Variants in TDRD12 observed in about 807,000 individuals in gnomAD.
The protein encoded by TDRD12 is putative ATP-dependent RNA helicase TDRD12.
TDRD12 carries 158 observed loss-of-function variants against 133.5 expected under a neutral mutation model. That is an observed-to-expected ratio of 1.18 (90% confidence interval 1.04 to 1.35). The LOEUF is 1.35. Among genes scored for constraint, TDRD12 ranks in the 40% most tolerant of loss-of-function variants. The probability of loss-of-function intolerance (pLI) is 0.00; values close to 1 mark genes in which losing one functional copy is unlikely to be tolerated. For missense variants in TDRD12, 1,443 were observed against 1,321.3 expected, an observed-to-expected ratio of 1.09 and a Z score of -1.43; for synonymous variants, 460 against 477.9, an observed-to-expected ratio of 0.96 and a Z score of 0.49.
At chr19:32,758,077 T>A (rs1970047491) in intron 8 of TDRD12, among the ~76,000 whole-genome samples, 1 of 152,130 alleles carries the variant, frequency 6.6e-6, no homozygotes, top group Non-Finnish European at 1.5e-5. Flanking sequence ...CCCTACCCAC[T>A]CAGCCCATCT....
intron 1 of TDRD12, among the ~76,000 whole-genome samples, chr19:32,721,624 C>G (rs761205962): frequency 9.2e-5 from 14 of 152,226 alleles, no homozygotes; most frequent in Non-Finnish European, 8.8e-5. Context: ...AGGTGATCCA[C>G]CTGCCTCCGC....
intron 22 of TDRD12, among the ~76,000 whole-genome samples, chr19:32,807,968 A>T (rs1966884043): frequency 6.6e-6 from 1 of 152,150 alleles, no homozygotes; most frequent in Admixed American, 6.6e-5. Flanking sequence ...TCACACCTGT[A>T]ATCTCATCAT....
intron 26 of TDRD12, among the ~76,000 whole-genome samples, chr19:32,815,958 C>T (rs1967166096): frequency 6.6e-6 from 1 of 151,778 alleles, no homozygotes. Flanking sequence ...CATGCCACTG[C>T]ACTCCAGCCT....
chr19:32,723,813 C>T (rs1483840541), intron 1 of TDRD12, among the ~76,000 whole-genome samples: 2 of 152,060 alleles, frequency 1.3e-5, no homozygotes, highest in Non-Finnish European at 2.9e-5. Flanking sequence ...AGGAATTTTG[C>T]ACATATTTTT....
intron 25 of TDRD12, among the ~76,000 whole-genome samples, chr19:32,814,908 A>G (rs1967123511): frequency 1.3e-5 from 2 of 152,204 alleles, no homozygotes; most frequent in Non-Finnish European, 2.9e-5. Context: ...AGCCCCTCCT[A>G]TACCCACACT....
chr19:32,829,182 C>T (rs950754121), exon 10 of TDRD12: 2 of 152,230 alleles, frequency 1.3e-5, no homozygotes, highest in Admixed American at 6.5e-5. Flanking sequence ...AGTGGCGCCC[C>T]GTGCGCACCA....
chr19:32,773,619 G>A (rs1156691335), intron 10 of TDRD12, 87 bp downstream of exon 10: 3 of 1,204,956 alleles, frequency 2.5e-6, no homozygotes, highest in African/African-American at 3.0e-5. Context: ...GATCGCTTAA[G>A]CCCAGGAGGT....
rs111563262 is a variant in TDRD12, at chr19:32,733,733, T to C, written c.183+1850T>C. On this transcript the variant is annotated intron_variant, in intron 2 of 27. Transcript: ENST00000444215. ...CCACTGCTGCCTGAATCAGCTCTTTTATTCAGGCACTCGATGTGGGGTTTT... is the reference window on the plus strand; with the variant it reads ...CCACTGCTGCCTGAATCAGCTCTTTCATTCAGGCACTCGATGTGGGGTTTT... 4.8e-4 allele frequency among the ~76,000 whole-genome samples: 73 copies of C among 152,230 alleles called. 1 individual carries two copies. The highest frequency in any genetic ancestry group is 1.7e-3 in the African/African-American group (72 of 41,554).
chr19:32,804,467 G>A (rs1375675172), intron 21 of TDRD12, among the ~76,000 whole-genome samples: 1 of 149,868 alleles, frequency 6.7e-6, no homozygotes, highest in Non-Finnish European at 1.5e-5. Flanking sequence ...GCCGAGGCAG[G>A]CAGATCACAA....
At chr19:32,805,870 T>C (rs765515064) in intron 21 of TDRD12, among the ~76,000 whole-genome samples, 1 of 151,844 alleles carries the variant, frequency 6.6e-6, no homozygotes, top group Non-Finnish European at 1.5e-5. Flanking sequence ...TAACTGGGAC[T>C]ATAGGTGTGT....
chr19:32,726,771 A>C (rs933364925), intron 1 of TDRD12, among the ~76,000 whole-genome samples: 1 of 152,180 alleles, frequency 6.6e-6, no homozygotes. Flanking sequence ...TTTTAAAAAA[A>C]GAATTTCCTT....
At chr19:32,822,175 A>T (rs940380113), downstream of TDRD12, among the ~76,000 whole-genome samples, 2 of 152,216 alleles carry the variant, frequency 1.3e-5, no homozygotes, top group Non-Finnish European at 2.9e-5. Context: ...CATGCCTATG[A>T]TCCCAACACT....
chr19:32,760,222 A>C (rs752647642), intron 8 of TDRD12, among the ~76,000 whole-genome samples: 1 of 152,244 alleles, frequency 6.6e-6, no homozygotes, highest in Non-Finnish European at 1.5e-5. Context: ...GGAATGAACT[A>C]TGCTTATCTT....
intron 4 of TDRD12, among the ~76,000 whole-genome samples, chr19:32,745,963 ACTGG>A (rs1291734152): frequency 7.5e-6 from 1 of 133,004 alleles, no homozygotes; most frequent in Non-Finnish European, 1.6e-5. Flanking sequence ...AGAGAGAGAG[ACTGG>A]CTGATGTGGT....
At chr19:32,737,687 G>T (rs1315303075) in intron 2 of TDRD12, among the ~76,000 whole-genome samples, 1 of 152,110 alleles carries the variant, frequency 6.6e-6, no homozygotes, top group Non-Finnish European at 1.5e-5. Flanking sequence ...GTACCACCAT[G>T]CCTGGTTCAA....
At chr19:32,758,096 G>C (rs1230658704) in intron 8 of TDRD12, among the ~76,000 whole-genome samples, 2 of 152,172 alleles carry the variant, frequency 1.3e-5, no homozygotes, top group Non-Finnish European at 2.9e-5. Context: ...CTGTGCTATA[G>C]ATTGTATCCG....
At chr19:32,797,912 G>T (rs199601243) in intron 15 of TDRD12, 21 bp downstream of exon 15, 72 of 673,728 alleles carry the variant, frequency 1.1e-4, no homozygotes, top group Non-Finnish European at 1.8e-4. Context: ...TTTTCAAGCG[G>T]CTATAAAAGT....
At chr19:32,728,873 TCCTAA>T (rs1968948316) in intron 1 of TDRD12, among the ~76,000 whole-genome samples, 1 of 149,878 alleles carries the variant, frequency 6.7e-6, no homozygotes, top group South Asian at 2.1e-4. Context: ...GGTTTCGATC[TCCTAA>T]CCTTGTGATC....
chr19:32,749,895 A>G, intron 6 of TDRD12, 26 bp downstream of exon 6: 1 of 1,437,476 alleles, frequency 7.0e-7, no homozygotes. Context: ...GTATTTTTAT[A>G]ATATTTCATC....
Sources: gnomAD v4.1 joint callset for allele counts (sites outside exome capture counted in the v4.1 genomes callset) on GRCh38, gnomAD v4.1.1 for gene constraint, MANE v1.5 for transcripts, NCBI Gene and HGNC (gene_info 2026-07-23, HGNC 2026-07-21) for gene names.